ALOXE3: variants seen among roughly 807,000 people sequenced by gnomAD.
ALOXE3 encodes arachidonate epidermal lipoxygenase 3, also known as hydroperoxide isomerase ALOXE3.
In ALOXE3, 78 loss-of-function variants were observed where a neutral mutation model predicts 87.5. The ratio of observed to expected loss-of-function variants is 0.89; its 90% CI spans 0.74 to 1.08. The LOEUF (loss-of-function observed/expected upper bound fraction) is 1.08. Among genes scored for constraint, ALOXE3 ranks in the 50% least tolerant of loss-of-function variants. The pLI, the probability that ALOXE3 is intolerant of heterozygous loss-of-function variation, is 0.00. For missense variants in ALOXE3, 946 were observed against 912.4 expected, an observed-to-expected ratio of 1.04 and a Z score of -0.47; for synonymous variants, 363 against 370.8, an observed-to-expected ratio of 0.98 and a Z score of 0.24.
At chr17:8,098,198 A>G (rs1978673701) in intron 15 of ALOXE3, among the ~76,000 whole-genome samples, 1 of 151,538 alleles carries the variant, frequency 6.6e-6, no homozygotes, top group Admixed American at 6.6e-5. Context: ...GTCTCACCAT[A>G]AATACAGTGT....
chr17:8,114,067 C>T (rs530916167), intron 6 of ALOXE3, among the ~76,000 whole-genome samples: 20 of 150,256 alleles, frequency 1.3e-4, no homozygotes, highest in African/African-American at 4.9e-4. Context: ...AAAGTGTGGG[C>T]ACCTGGGGAA....
rs758481715 is a variant in ALOXE3, at chr17:8,096,747, G to A, written c.2016C>T (p.Ile672=). The A allele has an allele frequency of 6.8e-6, 11 of 1,614,062 alleles. No homozygotes were observed. Among genetic ancestry groups the A allele is most frequent in the African/African-American group, 6.7e-5 (5 of 74,922 alleles). Reference sequence around the variant, plus strand: ...GGGCCAGGCGGCTCTGGAAGGCGGCGATGCTCCGCCTCGGGGCCTCCTCTG... The same window carrying A: ...GGGCCAGGCGGCTCTGGAAGGCGGCAATGCTCCGCCTCGGGGCCTCCTCTG... The part of the protein sequence containing the change: ...HFTEEAPRRS[I]AAFQSRLAQI... The change falls in exon 16 of 16, where the codon ATC becomes ATT. Residue 672 remains isoleucine (I), a synonymous_variant. Coordinates refer to ENST00000448843, the MANE Select transcript of ALOXE3 (RefSeq NM_021628.3).
rs1485212788 is a variant in ALOXE3 at position 8,110,213 on chromosome 17, A to G, written c.1184T>C (p.Val395Ala). ...GTGCACCAGGAACTCAGAGTTGCGC[A>G]CCCACGTCTTGGCCAGCAGCCAGTC... is the stretch of plus-strand genomic sequence containing the variant. ...EWDWLLAKTW[V>A]RNSEFLVHEN... Residue 395 changes from valine to alanine, a missense_variant, in exon 10 of 16, where the codon GTG becomes GCG. Transcript: ENST00000448843. 1.2e-6 allele frequency: 2 copies of G among 1,613,980 alleles called. No homozygotes were observed. The highest frequency in any genetic ancestry group is 1.7e-6 in the Non-Finnish European group (2 of 1,179,962).
chr17:8,108,660 C>A, intron 12 of ALOXE3, 71 bp from the exon 13 acceptor site: 1 of 1,585,152 alleles, frequency 6.3e-7, no homozygotes, highest in Non-Finnish European at 8.6e-7. Flanking sequence ...CCGAGGCCCA[C>A]TGCTGCTCAG....
chr17:8,106,683 G>A (rs11078733), intron 13 of ALOXE3, among the ~76,000 whole-genome samples: 30,673 of 151,996 alleles, frequency 0.2, 3,704 homozygotes, highest in Admixed American at 0.27. Context: ...AAAATTATCC[G>A]GGCGTGGTAG....
intron 15 of ALOXE3, 31 bp downstream of exon 15, chr17:8,103,292 C>A: frequency 6.2e-7 from 1 of 1,612,336 alleles, no homozygotes; most frequent in Non-Finnish European, 8.5e-7. Context: ...CCCTAAAGAA[C>A]CCTACTCCCC....
At chr17:8,114,171 C>T (rs117460994) in intron 6 of ALOXE3, among the ~76,000 whole-genome samples, 1,960 of 151,928 alleles carry the variant, frequency 0.013, 25 homozygotes, top group African/African-American at 0.029. Context: ...CACACACACT[C>T]GCTGGGGGCC....
chr17:8,102,492 G>T (rs892798574), intron 15 of ALOXE3, among the ~76,000 whole-genome samples: 4 of 151,750 alleles, frequency 2.6e-5, no homozygotes, highest in Admixed American at 6.6e-5. Context: ...GACTCCATGT[G>T]GGGGGGTGGG....
At chr17:8,115,186 G>T in intron 4 of ALOXE3, 129 bp from the exon 5 acceptor site, 1 of 1,314,002 alleles carries the variant, frequency 7.6e-7, no homozygotes. Flanking sequence ...CAAGGAATTG[G>T]ACATTTCTCC....
In ALOXE3 at chr17:8,108,583, G is replaced by T; in HGVS notation, c.1569C>A (p.Val523=). ...GATAATAGTAGCCCACGATTTCTGA[G>T]ACAAAGCTGCAGGAAAGAGATGCTG... The part of the protein sequence containing the change: ...LKIWAAIESF[V]SEIVGYYYPS... Residue 523 remains valine (V), a synonymous_variant, in exon 13 of 16, where the codon GTC becomes GTA. Transcript: ENST00000448843. 4 of 1,611,600 alleles carry T rather than the reference G, an allele frequency of 2.5e-6. No individual in the cohort carries two copies. Among genetic ancestry groups the T allele is most frequent in the South Asian group, 1.1e-5 (1 of 90,942 alleles).
rs1980520012 is a variant in ALOXE3 at position 8,115,663 on chromosome 17, A to T, written c.378T>A (p.Leu126=). ...GTGTCCTGTGATCCAGGAGGAGGGGAAGAGAGTCCTGACAAATAGTTCTTG... is the reference window on the plus strand; with the variant it reads ...GTGTCCTGTGATCCAGGAGGAGGGGTAGAGAGTCCTGACAAATAGTTCTTG... The part of the protein sequence containing the change: ...GTARTICQDS[L]PLLLDHRTRE... Residue 126 remains leucine, a synonymous_variant, in exon 4 of 16, where the codon CTT becomes CTA. Transcript: ENST00000448843. The T allele has an allele frequency of 1.2e-6, 2 of 1,613,686 alleles. No homozygotes were observed. The highest frequency in any genetic ancestry group is 8.5e-7 in the Non-Finnish European group (1 of 1,179,752).
intron 5 of ALOXE3, 95 bp downstream of exon 5, chr17:8,114,842 AC>A: frequency 6.4e-7 from 1 of 1,564,918 alleles, no homozygotes; most frequent in Non-Finnish European, 8.8e-7. Context: ...ATTGTCATAG[AC>A]CCCTACCCCT....
intron 11 of ALOXE3, 107 bp downstream of exon 11, chr17:8,109,809 C>T (rs964478911): frequency 6.0e-5 from 70 of 1,174,318 alleles, no homozygotes; most frequent in Middle Eastern, 2.7e-4. Flanking sequence ...TTCTCACACC[C>T]CAGGTGTCCT....
At chr17:8,107,954 AAAGAAAGGAAG>A (rs1598204984) in intron 13 of ALOXE3, among the ~76,000 whole-genome samples, 4 of 4,314 alleles carry the variant, frequency 9.3e-4, no homozygotes, top group East Asian at 3.3e-3. Context: ...AGAAAGAAAG[AAAGAAAGGAAG>A]GAGAGAGAGA....
rs146272824 is a variant in ALOXE3, at chr17:8,096,971, C to T, written c.1957-165G>A. On this transcript the variant is annotated intron_variant, in intron 15 of 15. Transcript: ENST00000448843. ...AAACTGCCACCCCATGATCCTGACA[C>T]GAGGCCCCCCAGCACCCAAACCCCA... Among the ~76,000 whole-genome samples the T allele has an allele frequency of 2.2e-4, 33 of 152,248 alleles. No individual in the cohort carries two copies. In the East Asian group the frequency reaches 3.3e-3, roughly 15 times the overall value.
intron 13 of ALOXE3, among the ~76,000 whole-genome samples, chr17:8,108,023 GAA>G (rs1252393107): frequency 1.3e-5 from 1 of 78,794 alleles, no homozygotes; most frequent in East Asian, 2.4e-4. Flanking sequence ...AAGAAAGAAA[GAA>G]AGAAAGAAAG....
intron 15 of ALOXE3, among the ~76,000 whole-genome samples, chr17:8,098,536 A>C (rs1402205096): frequency 6.6e-6 from 1 of 151,950 alleles, no homozygotes; most frequent in Non-Finnish European, 1.5e-5. Flanking sequence ...CACTACACCC[A>C]GCCTGAAATA....
At position 8,107,880 on chromosome 17, in the gene ALOXE3, AG is replaced by A. The variant is rs1200014983; in HGVS notation, c.1684+587del. 7.1e-4 allele frequency among the ~76,000 whole-genome samples: 3 copies of A among 4,228 alleles called. 1 individual carries two copies. The highest frequency in any genetic ancestry group is 3.0e-3 in the African/African-American group (3 of 990). The allele number at this position is 4,228 out of a possible 152,430, so 2.8% of individuals were successfully genotyped here. A position where few individuals can be genotyped will look rare whatever the true frequency, so the allele number is the denominator to read the frequency against. On this transcript the variant is annotated intron_variant, in intron 13 of 15. Coordinates refer to ENST00000448843, the MANE Select transcript of ALOXE3 (RefSeq NM_021628.3). ...AAGAAAGAAAGAAAGAAAGAAAGAA[AG>A]AAAGAAAGAAAGAAAGAAAGAAAGA...
rs370148630 is a variant in ALOXE3, at chr17:8,114,507, C to T, written c.657G>A (p.Ser219=). 45 of 1,613,794 alleles carry T rather than the reference C, an allele frequency of 2.8e-5. No individual in the cohort carries two copies. The highest frequency in any genetic ancestry group is 3.5e-5 in the Non-Finnish European group (41 of 1,179,942). The change falls in exon 6 of 16, where the codon TCG becomes TCA. Residue 219 remains serine, a synonymous_variant. Transcript: ENST00000448843. The part of the protein sequence containing the change: ...NVRYSATKTI[S]LLFNAIPASL... Reference sequence around the variant, plus strand: ...ACGCAGGGATGGCATTGAAGAGCAGCGAGATCGTCTTGGTGGCTGAGTATC... The same window carrying T: ...ACGCAGGGATGGCATTGAAGAGCAGTGAGATCGTCTTGGTGGCTGAGTATC...
Sources: gnomAD v4.1 joint callset for allele counts (sites outside exome capture counted in the v4.1 genomes callset) on GRCh38, gnomAD v4.1.1 for gene constraint, MANE v1.5 for transcripts, NCBI Gene and HGNC (gene_info 2026-07-23, HGNC 2026-07-21) for gene names.